The following VRK2 variants were observed in gnomAD, a reference collection of about 807,000 sequenced individuals.
The protein encoded by VRK2 is serine/threonine-protein kinase VRK2.
A neutral mutation model predicts 57.6 loss-of-function variants in VRK2; 60 were observed. That is an observed-to-expected ratio of 1.04 (90% CI 0.85 to 1.29). The LOEUF (loss-of-function observed/expected upper bound fraction) is 1.29. Ranked by LOEUF, VRK2 falls within the 50% of genes most tolerant of loss-of-function variation. The pLI is 0.00. For missense variants in VRK2, 705 were observed against 588.1 expected (o/e 1.20, Z -2.06); for synonymous variants, 231 against 199.2 (o/e 1.16, Z -1.35).
chr2:58,001,487 C>A (rs1233259371), intron 1 of VRK2, among the ~76,000 whole-genome samples: 1 of 152,156 alleles, frequency 6.6e-6, no homozygotes, highest in Non-Finnish European at 1.5e-5. Flanking sequence ...AATTAATCTT[C>A]TGCATTTCTA....
At chr2:58,134,542 C>T (rs537335731) in intron 9 of VRK2, among the ~76,000 whole-genome samples, 92 of 144,570 alleles carry the variant, frequency 6.4e-4, no homozygotes, top group African/African-American at 1.6e-3. Context: ...ACCCGGGAAG[C>T]GGAGCTTGCA....
chr2:57,950,287 A>G (rs931930991), intron 1 of VRK2, among the ~76,000 whole-genome samples: 10 of 152,250 alleles, frequency 6.6e-5, no homozygotes, highest in African/African-American at 2.2e-4. Flanking sequence ...TCCTGGCTTC[A>G]AAACTTCAAA....
At chr2:58,096,767 CTCT>C (rs755255579) in intron 7 of VRK2, among the ~76,000 whole-genome samples, 36 of 151,474 alleles carry the variant, frequency 2.4e-4, no homozygotes, top group Non-Finnish European at 4.3e-4. Context: ...TTTTACCTTT[CTCT>C]TCTTTTTCTA....
intron 1 of VRK2, among the ~76,000 whole-genome samples, chr2:58,014,329 C>T (rs547063824): frequency 6.6e-6 from 1 of 152,244 alleles, no homozygotes; most frequent in African/African-American, 2.4e-5. Context: ...AATACAATGT[C>T]CTTTCTGCTA....
At chr2:58,076,693 G>C (rs1303115649) in intron 2 of VRK2, among the ~76,000 whole-genome samples, 1 of 151,534 alleles carries the variant, frequency 6.6e-6, no homozygotes, top group East Asian at 1.9e-4. Context: ...ACAGATGATA[G>C]TGTTTATCAT....
intron 1 of VRK2, among the ~76,000 whole-genome samples, chr2:57,922,119 G>C (rs1481013213): frequency 6.6e-6 from 1 of 151,938 alleles, no homozygotes; most frequent in Non-Finnish European, 1.5e-5. Flanking sequence ...TTGTGTTTGA[G>C]GGGATTTAGA....
At chr2:57,960,058 G>A (rs540966523) in intron 1 of VRK2, among the ~76,000 whole-genome samples, 1 of 149,834 alleles carries the variant, frequency 6.7e-6, no homozygotes, top group South Asian at 2.1e-4. Flanking sequence ...TGTGTTGTGG[G>A]GCGGGGGGAG....
chr2:57,935,792 CTGTCAT>C (rs1369715124), intron 1 of VRK2, among the ~76,000 whole-genome samples: 1 of 152,212 alleles, frequency 6.6e-6, no homozygotes, highest in Non-Finnish European at 1.5e-5. Flanking sequence ...CTCTTACTTT[CTGTCAT>C]TAGAGAAACT....
chr2:57,985,093 TG>T (rs1672554375), intron 1 of VRK2, among the ~76,000 whole-genome samples: 1 of 152,016 alleles, frequency 6.6e-6, no homozygotes, highest in Non-Finnish European at 1.5e-5. Flanking sequence ...CTTGCTGAAG[TG>T]GATGGATGGA....
chr2:58,069,211 C>T (rs941148975), intron 2 of VRK2, among the ~76,000 whole-genome samples: 5 of 152,168 alleles, frequency 3.3e-5, no homozygotes, highest in Admixed American at 6.6e-5. Context: ...CAAGTTTTAA[C>T]AGGTCTGTGT....
chr2:58,109,690 A>G (rs568678853), intron 7 of VRK2, among the ~76,000 whole-genome samples: 45 of 152,316 alleles, frequency 3.0e-4, no homozygotes, highest in African/African-American at 1.0e-3. Flanking sequence ...CCATGATCTA[A>G]TCACTTCCCA....
In VRK2 at chr2:58,021,881, T is replaced by C. The variant is rs569659138; in HGVS notation, c.-438-3784T>C. ...TTCAAGTTCCAATGTCCCTGACTTT[T>C]AAACACTGTTTCTTCCTTTTGTCTC... On this transcript the variant is annotated intron_variant, in intron 1 of 15. Coordinates refer to the VRK2 transcript ENST00000417641. Among the ~76,000 whole-genome samples the C allele has an allele frequency of 9.2e-5, 14 of 152,366 alleles. No individual in the cohort carries two copies. The East Asian group carries it at 2.5e-3, about 27-fold the overall frequency.
At chr2:58,027,661 C>T (rs1033802365) in intron 2 of VRK2, among the ~76,000 whole-genome samples, 6 of 152,054 alleles carry the variant, frequency 3.9e-5, no homozygotes, top group African/African-American at 1.4e-4. Flanking sequence ...ACTTCTGAGT[C>T]AACGTATGTA....
At chr2:58,128,401 G>A (rs377323784) in intron 8 of VRK2, among the ~76,000 whole-genome samples, 9 of 151,918 alleles carry the variant, frequency 5.9e-5, no homozygotes, top group Admixed American at 3.3e-4. Flanking sequence ...GTGCTATCTC[G>A]GCTCACCACA....
Position 58,046,868 on chromosome 2 carries a change from G to T in VRK2, c.-6G>T. ...CCGGCGACGGGGGATCCTGAGGCCC[G>T]GTCAGTCTCTTGCTCTGGGGTCTTG... On this transcript the variant is annotated splice_region_variant and 5_prime_UTR_variant, in exon 1 of 13. Transcript: ENST00000340157. The T allele has an allele frequency of 1.0e-6, 1 of 985,416 alleles. No individual in the cohort carries two copies. Among genetic ancestry groups the T allele is most frequent in the Non-Finnish European group, 1.2e-6 (1 of 829,914 alleles). The allele number at this position is 985,416 out of a possible 1,614,324, so 61.0% of individuals were successfully genotyped here.
chr2:58,095,192 G>T (rs1380954463), intron 7 of VRK2, among the ~76,000 whole-genome samples: 1 of 151,836 alleles, frequency 6.6e-6, no homozygotes, highest in Non-Finnish European at 1.5e-5. Flanking sequence ...CACTCGGGAG[G>T]CTGAGGCAGG....
rs535655713 is a variant in VRK2, at chr2:58,033,227, T to C, written c.-332T>C. ...ACACTCCTTTCTTTCTCTCATTTAG[T>C]GTCATAAAGAAGAATATTTGAAGCT... On this transcript the variant is annotated splice_region_variant and 5_prime_UTR_variant, in exon 3 of 16. Transcript: ENST00000417641. The C allele has an allele frequency of 1.5e-4, 23 of 152,204 alleles. No homozygotes were observed. In the East Asian group the frequency reaches 3.9e-3, roughly 26 times the overall value. 9.4% of individuals were successfully genotyped at this position (152,204 alleles called of 1,614,324 possible). A position where few individuals can be genotyped will look rare whatever the true frequency, so the allele number is the denominator to read the frequency against.
chr2:58,007,957 G>A (rs1226175159), intron 1 of VRK2, among the ~76,000 whole-genome samples: 1 of 151,954 alleles, frequency 6.6e-6, no homozygotes, highest in Non-Finnish European at 1.5e-5. Flanking sequence ...CCACAATAAT[G>A]CTGACTACTT....
In VRK2 at chr2:58,010,536, G is replaced by GTTT. The variant is rs1226088310; in HGVS notation, c.-438-15127_-438-15126insTTT. 2.0e-5 allele frequency among the ~76,000 whole-genome samples: 3 copies of GTTT among 152,142 alleles called. No homozygotes were observed. In the East Asian group the frequency reaches 5.8e-4, roughly 29 times the overall value. ...TGGATAAGGGCAACTTAGCCTGTTG[G>GTTT]TTAATTTTGCTCACCCCATCAGGGA... On this transcript the variant is annotated intron_variant, in intron 1 of 15. Coordinates refer to the VRK2 transcript ENST00000417641.
Sources: allele counts gnomAD v4.1 joint callset (sites outside exome capture counted in the v4.1 genomes callset), GRCh38; gene constraint gnomAD v4.1.1; transcripts MANE v1.5; gene names NCBI Gene and HGNC (gene_info 2026-07-23, HGNC 2026-07-21).